The following KIZ variants were observed in gnomAD, a reference collection of about 807,000 sequenced individuals.
The protein encoded by KIZ is centrosomal protein kizuna.
In KIZ, 68 loss-of-function variants were observed where a neutral mutation model predicts 79.6. That is an observed-to-expected ratio of 0.85 (90% confidence interval 0.70 to 1.05). KIZ has a LOEUF of 1.05. Among genes scored for constraint, KIZ ranks in the 50% least tolerant of loss-of-function variants. The pLI is 0.00. For missense variants in KIZ, 797 were observed against 800.4 expected, an observed-to-expected ratio of 1.00 and a Z score of 0.05; for synonymous variants, 280 against 281.8, an observed-to-expected ratio of 0.99 and a Z score of 0.06.
At chr20:21,234,105 A>T (rs1017212756) in intron 11 of KIZ, among the ~76,000 whole-genome samples, 3 of 152,196 alleles carry the variant, frequency 2.0e-5, no homozygotes, top group Non-Finnish European at 2.9e-5. Flanking sequence ...TAAAAAACTC[A>T]CTTCTTCCTA....
At chr20:21,231,987 A>G (rs1383332761) in intron 10 of KIZ, among the ~76,000 whole-genome samples, 1 of 152,238 alleles carries the variant, frequency 6.6e-6, no homozygotes, top group Non-Finnish European at 1.5e-5. Flanking sequence ...TGCAGAGTGT[A>G]CATGCAAGCA....
chr20:21,198,391 T>G (rs1482855608), intron 6 of KIZ: 1 of 152,220 alleles, frequency 6.6e-6, no homozygotes, highest in African/African-American at 2.4e-5. Flanking sequence ...ACATCTGCAC[T>G]GTTTACTAGC....
At chr20:21,145,730 A>G in intron 4 of KIZ, 76 bp downstream of exon 4, 1 of 585,176 alleles carries the variant, frequency 1.7e-6, no homozygotes, top group African/African-American at 1.9e-5. Flanking sequence ...ATTGTTTTAA[A>G]TAAAATCATC....
At chr20:21,216,812 G>A (rs2036311719) in intron 9 of KIZ, among the ~76,000 whole-genome samples, 3 of 152,124 alleles carry the variant, frequency 2.0e-5, no homozygotes, top group Admixed American at 2.0e-4. Context: ...AAGGATTATT[G>A]AGGAGAAACC....
At chr20:21,152,500 G>C (rs562431689) in intron 4 of KIZ, among the ~76,000 whole-genome samples, 1 of 152,184 alleles carries the variant, frequency 6.6e-6, no homozygotes, top group South Asian at 2.1e-4. Flanking sequence ...TTTGTGAATG[G>C]AGATCTCTAA....
In KIZ at chr20:21,151,922, A is replaced by T. The variant is rs917193207; in HGVS notation, c.405+6268A>T. On this transcript the variant is annotated intron_variant, in intron 4 of 12. Transcript: ENST00000619189. ...CAAAAACACAGAAGCAGCCTGAATG[A>T]GCAGCTGCAGAGGAGAGGCTGAGCT... 3.3e-5 allele frequency: 5 copies of T among 152,368 alleles called. No individual in the cohort carries two copies. In the South Asian group the frequency reaches 6.2e-4, roughly 19 times the overall value. 9.4% of individuals were successfully genotyped at this position (152,368 alleles called of 1,614,324 possible).
chr20:21,200,460 T>A (rs972069619), intron 6 of KIZ, among the ~76,000 whole-genome samples: 2 of 151,966 alleles, frequency 1.3e-5, no homozygotes, highest in Non-Finnish European at 2.9e-5. Flanking sequence ...TTCACCATAA[T>A]GGAAAATTAG....
At chr20:21,155,684 A>G (rs2033347467) in intron 4 of KIZ, among the ~76,000 whole-genome samples, 1 of 152,222 alleles carries the variant, frequency 6.6e-6, no homozygotes, top group Non-Finnish European at 1.5e-5. Flanking sequence ...GTTTTATGGT[A>G]TGTGAATTAT....
chr20:21,157,719 G>A (rs1274374619), intron 4 of KIZ, among the ~76,000 whole-genome samples: 10 of 152,130 alleles, frequency 6.6e-5, no homozygotes, highest in African/African-American at 2.4e-4. Context: ...TAACTCAGGG[G>A]CACTTCCTTT....
At chr20:21,134,463 C>T (rs2032049564) in intron 2 of KIZ, among the ~76,000 whole-genome samples, 1 of 152,134 alleles carries the variant, frequency 6.6e-6, no homozygotes, top group Non-Finnish European at 1.5e-5. Flanking sequence ...TGTGAGAACT[C>T]ACTAAGATTC....
At chr20:21,143,063 A>G (rs962530093) in intron 3 of KIZ, among the ~76,000 whole-genome samples, 13 of 152,110 alleles carry the variant, frequency 8.5e-5, no homozygotes, top group South Asian at 2.1e-4. Flanking sequence ...ACGTTCCCCC[A>G]TATCTTTGGT....
intron 9 of KIZ, among the ~76,000 whole-genome samples, chr20:21,220,114 T>C (rs1396536877): frequency 6.7e-6 from 1 of 149,932 alleles, no homozygotes; most frequent in African/African-American, 2.4e-5. Flanking sequence ...GATGTATTGA[T>C]ACAATATATA....
intron 6 of KIZ, among the ~76,000 whole-genome samples, chr20:21,202,716 A>G (rs1255402920): frequency 2.0e-5 from 3 of 152,212 alleles, no homozygotes; most frequent in Non-Finnish European, 2.9e-5. Flanking sequence ...ATCCATATAC[A>G]CACCGCCCAG....
chr20:21,152,750 C>G (rs2033182051), intron 4 of KIZ, among the ~76,000 whole-genome samples: 1 of 152,140 alleles, frequency 6.6e-6, no homozygotes, highest in Non-Finnish European at 1.5e-5. Context: ...GTGAAAGTTA[C>G]CTGCTGTCAC....
chr20:21,141,537 C>T (rs1302290962), intron 3 of KIZ, among the ~76,000 whole-genome samples: 1 of 151,688 alleles, frequency 6.6e-6, no homozygotes. Flanking sequence ...CCCCAGATTC[C>T]AGAAGTTAGG....
intron 12 of KIZ, chr20:21,245,370 C>T (rs1458107980): frequency 1.3e-5 from 2 of 152,158 alleles, no homozygotes; most frequent in Non-Finnish European, 2.9e-5. Context: ...AGTCAGATGA[C>T]TTGGATGGGA....
chr20:21,174,284 A>G (rs2034344005), intron 6 of KIZ, among the ~76,000 whole-genome samples: 1 of 152,082 alleles, frequency 6.6e-6, no homozygotes, highest in South Asian at 2.1e-4. Flanking sequence ...TCCTATTATC[A>G]TCATCATTTT....
intron 11 of KIZ, among the ~76,000 whole-genome samples, chr20:21,237,542 G>T (rs1182199953): frequency 1.3e-5 from 2 of 151,946 alleles, no homozygotes; most frequent in Non-Finnish European, 2.9e-5. Flanking sequence ...AGCTCCCCTT[G>T]TCCCCCTGCT....
At chr20:21,214,181 G>T (rs917616695) in intron 7 of KIZ, among the ~76,000 whole-genome samples, 1 of 152,106 alleles carries the variant, frequency 6.6e-6, no homozygotes, top group Admixed American at 6.5e-5. Flanking sequence ...CAGAAAGGAG[G>T]TCTGAGGCTC....
Sources: allele counts gnomAD v4.1 joint callset (sites outside exome capture counted in the v4.1 genomes callset), GRCh38; gene constraint gnomAD v4.1.1; transcripts MANE v1.5; gene names NCBI Gene and HGNC (gene_info 2026-07-23, HGNC 2026-07-21).